The following NME6 variants were observed in gnomAD, a reference collection of about 807,000 sequenced individuals.
NME6 encodes the protein NME/NM23 nucleoside diphosphate kinase 6.
NME6 carries 16 observed loss-of-function variants against 22.2 expected under a neutral mutation model. The observed-to-expected ratio is 0.72, with a 90% CI of 0.49 to 1.09. The LOEUF (loss-of-function observed/expected upper bound fraction) is 1.09, where lower values mean the gene tolerates loss of function less well. Ranked by LOEUF, NME6 falls within the 50% of genes least tolerant of loss-of-function variation. The pLI is 0.00. For synonymous variants in NME6, 58 were observed against 85.2 expected, an observed-to-expected ratio of 0.68 and a Z score of 1.76; for missense variants, 229 against 239.0, an observed-to-expected ratio of 0.96 and a Z score of 0.28.
chr3:48,291,179 C>T (rs775776795), downstream of NME6: 39 of 324,876 alleles, frequency 1.2e-4, no homozygotes, highest in South Asian at 1.7e-4. Context: ...TCAAACAGGA[C>T]GTGGTAAGGT....
At chr3:48,301,268 AC>A (rs1433817142) in intron 1 of NME6, 84 bp downstream of exon 1, 1 of 1,592,774 alleles carries the variant, frequency 6.3e-7, no homozygotes, top group East Asian at 2.3e-5. Context: ...CGCAGCCCTC[AC>A]CCCTCGTACC....
At chr3:48,300,610 G>A (rs2035588883) in intron 1 of NME6, 1 of 292,852 alleles carries the variant, frequency 3.4e-6, no homozygotes, top group Non-Finnish European at 6.7e-6. Context: ...GGCTGCTAGG[G>A]GTTCTCGTGG....
intron 2 of NME6, among the ~76,000 whole-genome samples, chr3:48,297,042 A>G (rs1210485402): frequency 6.6e-6 from 1 of 151,876 alleles, no homozygotes; most frequent in Non-Finnish European, 1.5e-5. Flanking sequence ...GCTCTTCCAT[A>G]CCTATAACCC....
chr3:48,294,734 T>G lies in NME6; in HGVS notation c.464A>C (p.Glu155Ala), dbSNP rs749876802. Residue 155 changes from glutamate (E) to alanine (A), a missense_variant, in exon 6 of 6, where the codon GAG becomes GCG. Physicochemically the swap from Glu to Ala is moderately radical, Grantham distance 107. Coordinates refer to ENST00000442597, the MANE Select transcript of NME6 (RefSeq NM_001308426.2). ...FPDFSEQRWY[E>A]EEEPQLRCGP... ...ACAGCGCAACTGGGGCTCTTCCTCC[T>G]CATACCAGCGCTGTTCACTGAAGTC... The G allele has an allele frequency of 1.9e-6, 3 of 1,614,148 alleles. No individual in the cohort carries two copies. The highest frequency in any genetic ancestry group is 2.5e-6 in the Non-Finnish European group (3 of 1,180,018).
At position 48,296,827 on chromosome 3, in the gene NME6, A is replaced by T; in HGVS notation, c.93T>A (p.Ala31=). ...DAVAHPLILE[A]VHQQILSNKF... ...TGTTGCTTAGAATCTGCTGATGAAC[A>T]GCCTGAATAAAGACCATCCCCAAAA... Residue 31 remains alanine (A), a splice_region_variant and synonymous_variant, in exon 3 of 6, where the codon GCT becomes GCA. Transcript: ENST00000442597. The T allele has an allele frequency of 6.2e-7, 1 of 1,610,238 alleles. No homozygotes were observed. Among genetic ancestry groups the T allele is most frequent in the Non-Finnish European group, 8.5e-7 (1 of 1,177,322 alleles).
At chr3:48,298,573 C>T in intron 1 of NME6, 50 bp from the exon 2 acceptor site, 5 of 1,401,786 alleles carry the variant, frequency 3.6e-6, no homozygotes, top group Non-Finnish European at 4.8e-6. Context: ...CACTCCCAGC[C>T]TTCCCTACAT....
Position 48,293,668 on chromosome 3 carries a change from CCT to C in NME6, c.*967_*968del, listed in dbSNP as rs2034738756. 6.6e-6 allele frequency: 1 copy of C among 152,264 alleles called. No homozygotes were observed. The highest frequency in any genetic ancestry group is 1.5e-5 in the Non-Finnish European group (1 of 68,058). 9.4% of individuals were successfully genotyped at this position (152,264 alleles called of 1,614,324 possible). Reference sequence around the variant, plus strand: ...CTCTGTTCTCCCACAGGACTTTATACCTCTGTTAGGGCACTTCTCCATCTCTG... The same window carrying C: ...CTCTGTTCTCCCACAGGACTTTATACCTGTTAGGGCACTTCTCCATCTCTG... On this transcript the variant is annotated 3_prime_UTR_variant, in exon 6 of 6. Coordinates refer to ENST00000442597, the MANE Select transcript of NME6 (RefSeq NM_001308426.2).
downstream of NME6, chr3:48,291,039 T>C (rs920589270): frequency 7.8e-5 from 23 of 293,934 alleles, no homozygotes; most frequent in Non-Finnish European, 1.3e-4. Flanking sequence ...AGCCACTTGA[T>C]ACTTCGCCCC....
chr3:48,301,268 A>T, intron 1 of NME6, 85 bp downstream of exon 1: 1 of 1,592,892 alleles, frequency 6.3e-7, no homozygotes. Flanking sequence ...CGCAGCCCTC[A>T]CCCCTCGTAC....
intron 5 of NME6, 71 bp from the exon 6 acceptor site, chr3:48,294,874 A>C (rs967268336): frequency 3.3e-6 from 5 of 1,535,650 alleles, no homozygotes; most frequent in East Asian, 4.5e-5. Context: ...AATCAGGTTC[A>C]GAATCCTGAG....
At chr3:48,299,928 TC>T (rs2107017222) in intron 1 of NME6, among the ~76,000 whole-genome samples, 1 of 151,946 alleles carries the variant, frequency 6.6e-6, no homozygotes, top group African/African-American at 2.4e-5. Flanking sequence ...CCATGACACC[TC>T]CCCTCCCTCA....
chr3:48,294,596 G>C lies in NME6; in HGVS notation c.*41C>G, dbSNP rs1189497082. On this transcript the variant is annotated 3_prime_UTR_variant, in exon 6 of 6. Coordinates refer to ENST00000442597, the MANE Select transcript of NME6 (RefSeq NM_001308426.2). ...GAGAATGTTTTAGACTAGATGTCTA[G>C]GAGAAGTCTGGGCACTACCACTGGT... The C allele has an allele frequency of 6.2e-7, 1 of 1,600,380 alleles. No homozygotes were observed. Among genetic ancestry groups the C allele is most frequent in the Non-Finnish European group, 8.5e-7 (1 of 1,169,604 alleles).
chr3:48,294,385 C>T lies in NME6; in HGVS notation c.*252G>A. Reference sequence around the variant, plus strand: ...CCGTGCCCGGCCTGGCAAGCTTCTTCTTGAAGAAGGATGAACAGTTCTCAG... The same window carrying T: ...CCGTGCCCGGCCTGGCAAGCTTCTTTTTGAAGAAGGATGAACAGTTCTCAG... On this transcript the variant is annotated 3_prime_UTR_variant, in exon 6 of 6. Coordinates refer to ENST00000442597, the MANE Select transcript of NME6 (RefSeq NM_001308426.2). The T allele has an allele frequency of 2.6e-6, 1 of 382,420 alleles. No homozygotes were observed. Among genetic ancestry groups the T allele is most frequent in the Admixed American group, 3.6e-5 (1 of 27,514 alleles). The allele number at this position is 382,420 out of a possible 1,614,324, so 23.7% of individuals were successfully genotyped here. A position where few individuals can be genotyped will look rare whatever the true frequency, so the allele number is the denominator to read the frequency against.
Position 48,296,785 on chromosome 3 carries a change from T to C in NME6, c.135A>G (p.Arg45=). Residue 45 remains arginine, a synonymous_variant, in exon 3 of 6, where the codon CGA becomes CGG. Coordinates refer to ENST00000442597, the MANE Select transcript of NME6 (RefSeq NM_001308426.2). ...CCTTTCTCCACAGTAGTTCTCTCAT[T>C]CGTACAATCAGGAACTTGTTGCTTA... is the stretch of plus-strand genomic sequence containing the variant. ...QILSNKFLIV[R]MRELLWRKED... is the part of the protein sequence containing the mutation. 1 of 1,613,836 alleles carries C rather than the reference T, an allele frequency of 6.2e-7. No individual in the cohort carries two copies. The highest frequency in any genetic ancestry group is 8.5e-7 in the Non-Finnish European group (1 of 1,179,968).
Position 48,292,986 on chromosome 3 carries a change from G to C in NME6, c.*1651C>G, listed in dbSNP as rs2034664418. 6.6e-6 allele frequency: 1 copy of C among 152,238 alleles called. No homozygotes were observed. The highest frequency in any genetic ancestry group is 1.5e-5 in the Non-Finnish European group (1 of 68,056). 9.4% of individuals were successfully genotyped at this position (152,238 alleles called of 1,614,324 possible). On this transcript the variant is annotated 3_prime_UTR_variant, in exon 6 of 6. Transcript: ENST00000442597. ...CTGCCAGTATTGCCCTGTGGGACTT[G>C]GAGGGCAAGGGAGACCAAGGCTAAC...
chr3:48,294,549 A>C lies in NME6; in HGVS notation c.*88T>G. 6.9e-7 allele frequency: 1 copy of C among 1,444,946 alleles called. No individual in the cohort carries two copies. Among genetic ancestry groups the C allele is most frequent in the Non-Finnish European group, 9.5e-7 (1 of 1,051,988 alleles). 89.5% of individuals were successfully genotyped at this position (1,444,946 alleles called of 1,614,324 possible). On this transcript the variant is annotated 3_prime_UTR_variant, in exon 6 of 6. Transcript: ENST00000442597. ...GGTGCCCAGCAGAAATGGCACTGTA[A>C]GCCAGGCTTCCCTGGTCCTAGGAGA... is the stretch of plus-strand genomic sequence containing the variant.
At chr3:48,291,405 C>T, downstream of NME6, 1 of 384,930 alleles carries the variant, frequency 2.6e-6, no homozygotes, top group Non-Finnish European at 5.1e-6. Context: ...TTTTTTAAGA[C>T]AGGGTCTCAC....
At chr3:48,287,999 C>T (rs770364573), downstream of NME6, among the ~76,000 whole-genome samples, 14 of 151,970 alleles carry the variant, frequency 9.2e-5, no homozygotes, top group Middle Eastern at 3.2e-3. Flanking sequence ...GAGGAGTGGA[C>T]GGTCTAGGAA....
downstream of NME6, chr3:48,291,998 C>G (rs1221037294): frequency 6.6e-6 from 1 of 152,268 alleles, no homozygotes; most frequent in African/African-American, 2.4e-5. Context: ...ATCTCCTGAC[C>G]TTGTGATCCG....
Sources: allele counts gnomAD v4.1 joint callset (sites outside exome capture counted in the v4.1 genomes callset), GRCh38; gene constraint gnomAD v4.1.1; transcripts MANE v1.5; gene names NCBI Gene and HGNC (gene_info 2026-07-23, HGNC 2026-07-21).